The following KLHDC7A variants were observed in gnomAD, a reference collection of about 807,000 sequenced individuals.
KLHDC7A encodes kelch domain containing 7A, also known as kelch domain-containing protein 7A.
For synonymous variants in KLHDC7A, 464 were observed against 461.0 expected, an observed-to-expected ratio of 1.01 and a Z score of -0.08; for missense variants, 1,123 against 1,052.6, an observed-to-expected ratio of 1.07 and a Z score of -0.93.
rs1359974311 is a variant in KLHDC7A, at chr1:18,481,831, C to T, written c.850C>T (p.Arg284Trp). Residue 284 changes from arginine to tryptophan, a missense_variant, in exon 1 of 1, where the codon CGG (arginine) becomes TGG (tryptophan). Physicochemically the swap from Arg to Trp is moderately radical, Grantham distance 101. Transcript: ENST00000400664. ...FIQKAEGVEP[R>W]LKGKVYDYYV... is the part of the protein sequence containing the mutation. The stretch of plus-strand genomic sequence containing the variant: ...ACAGAAGGCGGAGGGGGTTGAGCCC[C>T]GGCTCAAGGGCAAGGTGTACGACTA... 1.2e-6 allele frequency: 2 copies of T among 1,614,060 alleles called. No homozygotes were observed. The highest frequency in any genetic ancestry group is 4.5e-5 in the East Asian group (2 of 44,858).
At position 18,483,941 on chromosome 1, in the gene KLHDC7A, C is replaced by G. The variant is rs960549817; in HGVS notation, c.*626C>G. The G allele has an allele frequency of 7.7e-7, 1 of 1,304,078 alleles. No homozygotes were observed. The highest frequency in any genetic ancestry group is 1.5e-5 in the African/African-American group (1 of 65,860). The allele number at this position is 1,304,078 out of a possible 1,614,324, so 80.8% of individuals were successfully genotyped here. On this transcript the variant is annotated 3_prime_UTR_variant, in exon 1 of 1. Coordinates refer to ENST00000400664, the MANE Select transcript of KLHDC7A (RefSeq NM_152375.3). The stretch of plus-strand genomic sequence containing the variant: ...CTGGGGCCAGCCTAGGAGACTCTTG[C>G]TTGCGAGAAAATATACCAAAGCCCA...
Position 18,481,699 on chromosome 1 carries a change from G to A in KLHDC7A, c.718G>A (p.Glu240Lys), listed in dbSNP as rs377585599. 2.5e-6 allele frequency: 4 copies of A among 1,614,072 alleles called. No individual in the cohort carries two copies. The highest frequency in any genetic ancestry group is 2.2e-5 in the East Asian group (1 of 44,870). The change falls in exon 1 of 1, where the codon GAG (glutamate) becomes AAG (lysine). Residue 240 changes from glutamate to lysine, a missense_variant. Transcript: ENST00000400664. The part of the protein sequence containing the change: ...GVSREEAGAL[E>K]AASDVDLTLH... Reference sequence around the variant, plus strand: ...CAGCAGAGAAGAGGCTGGGGCTCTCGAGGCTGCCTCCGATGTTGACCTGAC... The same window carrying A: ...CAGCAGAGAAGAGGCTGGGGCTCTCAAGGCTGCCTCCGATGTTGACCTGAC...
rs2086903887 is a variant in KLHDC7A, at chr1:18,482,613, G to T, written c.1632G>T (p.Val544=). Residue 544 remains valine (V), a synonymous_variant, in exon 1 of 1, where the codon GTG becomes GTT. Coordinates refer to ENST00000400664, the MANE Select transcript of KLHDC7A (RefSeq NM_152375.3). ...GCAGTCTCTTCAATTATCTCTTCGT[G>T]GTGTCCGGCTGCCAGGGGCCCGGGC... ...AICSLFNYLF[V]VSGCQGPGHQ... is the part of the protein sequence containing the mutation. The T allele has an allele frequency of 1.9e-6, 3 of 1,610,112 alleles. No individual in the cohort carries two copies. The East Asian group carries it at 6.7e-5, about 36-fold the overall frequency.
rs1169851628 is a variant in KLHDC7A, at chr1:18,482,643, G to A, written c.1662G>A (p.Gln554=). The part of the protein sequence containing the change: ...VVSGCQGPGH[Q]PSSRVFCYNP... Reference sequence around the variant, plus strand: ...CCGGCTGCCAGGGGCCCGGGCACCAGCCCTCCAGCCGCGTCTTCTGCTACA... The same window carrying A: ...CCGGCTGCCAGGGGCCCGGGCACCAACCCTCCAGCCGCGTCTTCTGCTACA... Residue 554 remains glutamine (Q), a synonymous_variant, in exon 1 of 1, where the codon CAG becomes CAA. Coordinates refer to ENST00000400664, the MANE Select transcript of KLHDC7A (RefSeq NM_152375.3). The A allele has an allele frequency of 1.2e-6, 2 of 1,608,030 alleles. No individual in the cohort carries two copies. The highest frequency in any genetic ancestry group is 4.5e-5 in the East Asian group (2 of 44,826).
chr1:18,483,994 G>A lies in KLHDC7A; in HGVS notation c.*679G>A, dbSNP rs1424312677. 1 of 1,304,178 alleles carries A rather than the reference G, an allele frequency of 7.7e-7. No homozygotes were observed. Among genetic ancestry groups the A allele is most frequent in the Non-Finnish European group, 1.0e-6 (1 of 988,970 alleles). The allele number at this position is 1,304,178 out of a possible 1,614,324, so 80.8% of individuals were successfully genotyped here. The stretch of plus-strand genomic sequence containing the variant: ...TTACTTTTCTCCTTATTGGAAGAAA[G>A]AGAAGCAGCCATTGTACCAAGCTAT... On this transcript the variant is annotated 3_prime_UTR_variant, in exon 1 of 1. Transcript: ENST00000400664.
chr1:18,483,317 A>C lies in KLHDC7A; in HGVS notation c.*2A>C. The C allele has an allele frequency of 6.2e-7, 1 of 1,610,736 alleles. No homozygotes were observed. Among genetic ancestry groups the C allele is most frequent in the Non-Finnish European group, 8.5e-7 (1 of 1,178,398 alleles). On this transcript the variant is annotated 3_prime_UTR_variant, in exon 1 of 1. Transcript: ENST00000400664. ...GATTTGCCTCAGACCAGGGTCTAGC[A>C]GTCCCTCAACTGAGCTCCTCATGCA...
Position 18,485,682 on chromosome 1 carries a change from G to A in KLHDC7A, c.*2367G>A, listed in dbSNP as rs872355. ...GAAGAATGTGGTCAGGGCCATCAGG[G>A]TGGAACAAGGTAGCTCAAGACCTTG... is the stretch of plus-strand genomic sequence containing the variant. On this transcript the variant is annotated 3_prime_UTR_variant, in exon 1 of 1. Coordinates refer to ENST00000400664, the MANE Select transcript of KLHDC7A (RefSeq NM_152375.3). 56,180 of 165,114 alleles carry A rather than the reference G, an allele frequency of 0.34. 9,622 individuals are homozygous for A. The highest frequency in any genetic ancestry group is 0.36 in the Middle Eastern group (107 of 296). 10.2% of individuals were successfully genotyped at this position (165,114 alleles called of 1,614,324 possible).
In KLHDC7A at chr1:18,481,035, C is replaced by G; in HGVS notation, c.54C>G (p.Thr18=). Reference sequence around the variant, plus strand: ...ACTGGCATTTGGATATGCAGCTGACCGGCAAGGTGGTGCTGTCAGCCGCTG... The same window carrying G: ...ACTGGCATTTGGATATGCAGCTGACGGGCAAGGTGGTGCTGTCAGCCGCTG... ...AQDWHLDMQL[T]GKVVLSAAAL... Residue 18 remains threonine, a synonymous_variant, in exon 1 of 1, where the codon ACC becomes ACG. Transcript: ENST00000400664. 3 of 1,612,392 alleles carry G rather than the reference C, an allele frequency of 1.9e-6. No individual in the cohort carries two copies. Among genetic ancestry groups the G allele is most frequent in the Non-Finnish European group, 2.5e-6 (3 of 1,179,120 alleles).
Position 18,483,576 on chromosome 1 carries a change from G to T in KLHDC7A, c.*261G>T. 1 of 1,384,380 alleles carries T rather than the reference G, an allele frequency of 7.2e-7. No individual in the cohort carries two copies. The highest frequency in any genetic ancestry group is 9.4e-7 in the Non-Finnish European group (1 of 1,061,006). 85.8% of individuals were successfully genotyped at this position (1,384,380 alleles called of 1,614,324 possible). On this transcript the variant is annotated 3_prime_UTR_variant, in exon 1 of 1. Transcript: ENST00000400664. Reference sequence around the variant, plus strand: ...AGGCAGAAGGCATTCATGTCTTCAGGGATGACCGCCCTTGCTTCAACTCTG... The same window carrying T: ...AGGCAGAAGGCATTCATGTCTTCAGTGATGACCGCCCTTGCTTCAACTCTG...
chr1:18,482,250 T>C lies in KLHDC7A; in HGVS notation c.1269T>C (p.Ala423=). The C allele has an allele frequency of 6.2e-7, 1 of 1,606,296 alleles. No individual in the cohort carries two copies. The highest frequency in any genetic ancestry group is 1.1e-5 in the South Asian group (1 of 91,088). The change falls in exon 1 of 1, where the codon GCT becomes GCC. Residue 423 remains alanine, a synonymous_variant. Transcript: ENST00000400664. ...TNFFHIPLTP[A]SAPQVRLDLG... ...TCTTCCATATCCCGCTCACCCCTGC[T>C]TCAGCCCCACAGGTCCGCCTGGATC...
At position 18,481,438 on chromosome 1, in the gene KLHDC7A, C is replaced by T; in HGVS notation, c.457C>T (p.Pro153Ser). The T allele has an allele frequency of 1.2e-6, 2 of 1,613,838 alleles. No individual in the cohort carries two copies. Among genetic ancestry groups the T allele is most frequent in the Non-Finnish European group, 8.5e-7 (1 of 1,180,010 alleles). ...QETRTAVGSN[P>S]DPPHFPRLGS... is the part of the protein sequence containing the mutation. ...AACCAGAACAGCTGTTGGCAGTAACCCTGACCCTCCCCATTTCCCCCGCTT... is the reference window on the plus strand; with the variant it reads ...AACCAGAACAGCTGTTGGCAGTAACTCTGACCCTCCCCATTTCCCCCGCTT... The change falls in exon 1 of 1, where the codon CCT (proline) becomes TCT (serine). Residue 153 changes from proline (P) to serine (S), a missense_variant. By Grantham distance (74) the Pro-to-Ser change is moderately conservative. Coordinates refer to ENST00000400664, the MANE Select transcript of KLHDC7A (RefSeq NM_152375.3).
At position 18,482,931 on chromosome 1, in the gene KLHDC7A, C is replaced by A. The variant is rs953383819; in HGVS notation, c.1950C>A (p.Phe650Leu). 1 of 1,611,378 alleles carries A rather than the reference C, an allele frequency of 6.2e-7. No individual in the cohort carries two copies. Among genetic ancestry groups the A allele is most frequent in the African/African-American group, 1.3e-5 (1 of 74,940 alleles). Residue 650 changes from phenylalanine to leucine, a missense_variant, in exon 1 of 1, where the codon TTC (phenylalanine) becomes TTA (leucine). By Grantham distance (22) the Phe-to-Leu change is conservative. Coordinates refer to ENST00000400664, the MANE Select transcript of KLHDC7A (RefSeq NM_152375.3). ...CGCTGCGCTTCCTGCTGTTCCGCTT[C>A]TCTGCGCAGGAGCAGCGCTGGTGGG... is the stretch of plus-strand genomic sequence containing the variant. ...GGSLRFLLFR[F>L]SAQEQRWWAG...
Position 18,482,921 on chromosome 1 carries a change from T to C in KLHDC7A, c.1940T>C (p.Leu647Pro). The C allele has an allele frequency of 6.2e-7, 1 of 1,611,074 alleles. No individual in the cohort carries two copies. The highest frequency in any genetic ancestry group is 1.1e-5 in the South Asian group (1 of 90,936). Residue 647 changes from leucine to proline, a missense_variant, in exon 1 of 1, where the codon CTG becomes CCG. Coordinates refer to ENST00000400664, the MANE Select transcript of KLHDC7A (RefSeq NM_152375.3). The stretch of plus-strand genomic sequence containing the variant: ...ACCGGCGGCTCGCTGCGCTTCCTGC[T>C]GTTCCGCTTCTCTGCGCAGGAGCAG... ...FVTGGSLRFL[L>P]FRFSAQEQRW...
rs1429350682 is a variant in KLHDC7A, at chr1:18,483,406, G to A, written c.*91G>A. The A allele has an allele frequency of 1.3e-6, 2 of 1,537,748 alleles. No individual in the cohort carries two copies. Among genetic ancestry groups the A allele is most frequent in the African/African-American group, 1.4e-5 (1 of 72,666 alleles). On this transcript the variant is annotated 3_prime_UTR_variant, in exon 1 of 1. Transcript: ENST00000400664. ...CTGGGGGCCATTTCTAGGCAAACAG[G>A]CAACCCAGGAATGTGGCCATCAAGA... is the stretch of plus-strand genomic sequence containing the variant.
In KLHDC7A at chr1:18,482,088, A is replaced by G; in HGVS notation, c.1107A>G (p.Ile369Met). 6.2e-7 allele frequency: 1 copy of G among 1,612,640 alleles called. No homozygotes were observed. The highest frequency in any genetic ancestry group is 8.5e-7 in the Non-Finnish European group (1 of 1,179,784). ...GFSRKESLLQ[I>M]AENPELQLQP... is the part of the protein sequence containing the mutation. ...GCCGGAAGGAGAGCCTTCTGCAGAT[A>G]GCGGAGAACCCAGAGCTGCAGCTGC... The change falls in exon 1 of 1, where the codon ATA becomes ATG. Residue 369 changes from isoleucine (I) to methionine (M), a missense_variant. Ile to Met is a conservative substitution (Grantham distance 10). Transcript: ENST00000400664.
rs1482243670 is a variant in KLHDC7A at position 18,481,497 on chromosome 1, C to T, written c.516C>T (p.Leu172=). ...AACCGAAGAGCTCCCCAGCTGGACT[C>T]ATTGCAGCAGCCGACGGCAGCTGTG... The part of the protein sequence containing the change: ...GSEPKSSPAG[L]IAAADGSCAG... The change falls in exon 1 of 1, where the codon CTC becomes CTT. Residue 172 remains leucine (L), a synonymous_variant. Transcript: ENST00000400664. 6.2e-7 allele frequency: 1 copy of T among 1,613,584 alleles called. No homozygotes were observed. The highest frequency in any genetic ancestry group is 8.5e-7 in the Non-Finnish European group (1 of 1,180,032).
In KLHDC7A at chr1:18,481,004, C is replaced by A. The variant is rs769509964; in HGVS notation, c.23C>A (p.Ala8Asp). 4 of 1,604,290 alleles carry A rather than the reference C, an allele frequency of 2.5e-6. No individual in the cohort carries two copies. Among genetic ancestry groups the A allele is most frequent in the Non-Finnish European group, 3.4e-6 (4 of 1,174,676 alleles). MFPRGAE[A>D]QDWHLDMQLT... ...AGCATGTTCCCCAGAGGAGCAGAGG[C>A]CCAGGACTGGCATTTGGATATGCAG... The change falls in exon 1 of 1, where the codon GCC becomes GAC. Residue 8 changes from alanine to aspartate, a missense_variant. By Grantham distance (126) the Ala-to-Asp change is moderately radical. Coordinates refer to ENST00000400664, the MANE Select transcript of KLHDC7A (RefSeq NM_152375.3).
At position 18,481,512 on chromosome 1, in the gene KLHDC7A, C is replaced by G; in HGVS notation, c.531C>G (p.Asp177Glu). ...SSPAGLIAAA[D>E]GSCAGGEPSP... ...CAGCTGGACTCATTGCAGCAGCCGA[C>G]GGCAGCTGTGCCGGTGGTGAGCCTT... The change falls in exon 1 of 1, where the codon GAC becomes GAG. Residue 177 changes from aspartate to glutamate, a missense_variant. Physicochemically the swap from Asp to Glu is conservative, Grantham distance 45. Transcript: ENST00000400664. The G allele has an allele frequency of 6.2e-7, 1 of 1,613,330 alleles. No homozygotes were observed. The highest frequency in any genetic ancestry group is 8.5e-7 in the Non-Finnish European group (1 of 1,179,998).
rs1326380161 is a variant in KLHDC7A at position 18,481,706 on chromosome 1, C to G, written c.725C>G (p.Ala242Gly). The G allele has an allele frequency of 1.9e-6, 3 of 1,614,096 alleles. No homozygotes were observed. The highest frequency in any genetic ancestry group is 2.5e-6 in the Non-Finnish European group (3 of 1,180,036). ...GAAGAGGCTGGGGCTCTCGAGGCTG[C>G]CTCCGATGTTGACCTGACCCTGCAT... ...SREEAGALEA[A>G]SDVDLTLHQQ... The change falls in exon 1 of 1, where the codon GCC becomes GGC. Residue 242 changes from alanine to glycine, a missense_variant. By Grantham distance (60) the Ala-to-Gly change is moderately conservative (BLOSUM62 0). Transcript: ENST00000400664.
Sources: allele counts gnomAD v4.1 joint callset, GRCh38; gene constraint gnomAD v4.1.1; transcripts MANE v1.5; gene names NCBI Gene and HGNC (gene_info 2026-07-23, HGNC 2026-07-21).